RNGTT: variants seen among roughly 807,000 people sequenced by gnomAD.
RNGTT encodes mRNA-capping enzyme.
In RNGTT, 33 loss-of-function variants were observed where a neutral mutation model predicts 79.3. The ratio of observed to expected loss-of-function variants is 0.42; its 90% confidence interval spans 0.32 to 0.56. The LOEUF is 0.56. Ranked by LOEUF, RNGTT falls within the 20% of genes least tolerant of loss-of-function variation. The pLI, the probability that RNGTT is intolerant of heterozygous loss-of-function variation, is 0.17. For missense variants in RNGTT, 497 were observed against 739.1 expected, an observed-to-expected ratio of 0.67 and a Z score of 3.80; for synonymous variants, 222 against 235.9, an observed-to-expected ratio of 0.94 and a Z score of 0.54.
In RNGTT at chr6:88,809,762, T is replaced by G. The variant is rs536536429; in HGVS notation, c.1270-8130A>C. 9.9e-5 allele frequency among the ~76,000 whole-genome samples: 15 copies of G among 151,812 alleles called. No homozygotes were observed. The East Asian group carries it at 2.5e-3, about 25-fold the overall frequency. On this transcript the variant is annotated intron_variant, in intron 11 of 15. Transcript: ENST00000369485. ...ATGAAATACCTAATTAAAAAGAAGA[T>G]CAATGACCAGGCACAATGGCTCATA...
At chr6:88,797,721 T>C (rs1179123932) in intron 12 of RNGTT, among the ~76,000 whole-genome samples, 1 of 151,936 alleles carries the variant, frequency 6.6e-6, no homozygotes, top group Non-Finnish European at 1.5e-5. Context: ...ATAGGAACAA[T>C]ATTTATGTCA....
chr6:88,846,189 G>T (rs896936425), intron 10 of RNGTT, among the ~76,000 whole-genome samples: 18 of 152,148 alleles, frequency 1.2e-4, no homozygotes, highest in African/African-American at 4.3e-4. Flanking sequence ...TTACTGAGAA[G>T]AGACTACAGG....
At chr6:88,949,159 G>GAAAAAAAAAAAAAAAAAAAAAAAAAAATA in intron 1 of RNGTT, among the ~76,000 whole-genome samples, 1 of 50,512 alleles carries the variant, frequency 2.0e-5, no homozygotes, top group Non-Finnish European at 3.9e-5. Flanking sequence ...AAAATAAAAT[G>GAAAAAAAAAAAAAAAAAAAAAAAAAAATA]AAAAAAAAAA....
chr6:88,690,647 C>A (rs1775445113), intron 13 of RNGTT, among the ~76,000 whole-genome samples: 1 of 152,020 alleles, frequency 6.6e-6, no homozygotes, highest in African/African-American at 2.4e-5. Flanking sequence ...GAATTTGAGA[C>A]TGCAATAAGC....
intron 12 of RNGTT, among the ~76,000 whole-genome samples, chr6:88,794,593 A>G (rs1297721375): frequency 6.6e-6 from 1 of 152,198 alleles, no homozygotes; most frequent in Non-Finnish European, 1.5e-5. Flanking sequence ...GCAAGGCAAA[A>G]ATATAACCAC....
At chr6:88,629,690 G>C (rs1772773721) in intron 14 of RNGTT, among the ~76,000 whole-genome samples, 1 of 152,106 alleles carries the variant, frequency 6.6e-6, no homozygotes, top group Admixed American at 6.6e-5. Flanking sequence ...GTTTTCAGAG[G>C]ATCTATTCTA....
chr6:88,814,015 T>C (rs1780228749), intron 11 of RNGTT, among the ~76,000 whole-genome samples: 1 of 152,076 alleles, frequency 6.6e-6, no homozygotes, highest in Non-Finnish European at 1.5e-5. Context: ...AAAAATAAGC[T>C]GGTAAGGCTA....
chr6:88,769,635 T>C (rs946158662), intron 13 of RNGTT, 139 bp downstream of exon 13: 6 of 501,962 alleles, frequency 1.2e-5, no homozygotes, highest in Middle Eastern at 5.2e-4. Flanking sequence ...TAAGTATATA[T>C]GTAAAATATC....
At chr6:88,949,855 T>C (rs1488256422) in intron 1 of RNGTT, among the ~76,000 whole-genome samples, 1 of 152,314 alleles carries the variant, frequency 6.6e-6, no homozygotes, top group South Asian at 2.1e-4. Context: ...CTAAGATAAT[T>C]GATGAACATG....
intron 12 of RNGTT, among the ~76,000 whole-genome samples, chr6:88,773,116 T>A (rs1778748363): frequency 8.1e-5 from 12 of 148,024 alleles, no homozygotes; most frequent in African/African-American, 2.8e-4. Context: ...GTGGCACATA[T>A]ACACCATGGA....
chr6:88,697,401 A>C (rs1032416748), intron 13 of RNGTT, among the ~76,000 whole-genome samples: 1 of 151,972 alleles, frequency 6.6e-6, no homozygotes, highest in Non-Finnish European at 1.5e-5. Context: ...AATAAAAAAA[A>C]TTAGCCAGGC....
chr6:88,836,763 A>T (rs140050070), intron 11 of RNGTT, among the ~76,000 whole-genome samples: 1 of 152,286 alleles, frequency 6.6e-6, no homozygotes, highest in East Asian at 1.9e-4. Context: ...AAACAGAACT[A>T]GGCTTGGCTT....
intron 11 of RNGTT, among the ~76,000 whole-genome samples, chr6:88,822,525 T>C (rs569194683): frequency 1.3e-5 from 2 of 152,322 alleles, no homozygotes; most frequent in East Asian, 3.9e-4. Context: ...AACAATTCAC[T>C]ACAGTGTAAA....
chr6:88,759,027 G>A (rs1396158309), intron 13 of RNGTT, among the ~76,000 whole-genome samples: 2 of 152,156 alleles, frequency 1.3e-5, no homozygotes, highest in Admixed American at 6.6e-5. Context: ...CTATGGTGGT[G>A]GCAAAATAAT....
At chr6:88,749,405 T>G (rs1264205454) in intron 13 of RNGTT, among the ~76,000 whole-genome samples, 2 of 151,752 alleles carry the variant, frequency 1.3e-5, no homozygotes, top group Non-Finnish European at 2.9e-5. Flanking sequence ...ATGTGCGTGC[T>G]AAAATTTCTA....
At chr6:88,785,062 TA>T in intron 12 of RNGTT, among the ~76,000 whole-genome samples, 1 of 152,140 alleles carries the variant, frequency 6.6e-6, no homozygotes, top group Non-Finnish European at 1.5e-5. Context: ...TATACCACTG[TA>T]AAATGACAAT....
rs185015527 is a variant in RNGTT at position 88,932,840 on chromosome 6, C to T, written c.175-3573G>A. ...TCTCACTTAGAAACGCACACCTAAA[C>T]TGAGGCTAAAAAAAAGTAATAGTAA... On this transcript the variant is annotated intron_variant, in intron 2 of 15. Transcript: ENST00000369485. Among the ~76,000 whole-genome samples the T allele has an allele frequency of 3.5e-3, 540 of 152,208 alleles. 2 individuals carry two copies. The highest frequency in any genetic ancestry group is 0.012 in the African/African-American group (502 of 41,530).
chr6:88,761,054 T>C (rs12664220), intron 13 of RNGTT, among the ~76,000 whole-genome samples: 9,820 of 116,582 alleles, frequency 0.084, 362 homozygotes, highest in East Asian at 0.12. Flanking sequence ...CACACACACA[T>C]ACACTCTAGT....
intron 13 of RNGTT, among the ~76,000 whole-genome samples, chr6:88,696,597 G>A (rs1365122073): frequency 4.2e-5 from 5 of 117,996 alleles, no homozygotes; most frequent in Non-Finnish European, 9.2e-5. Flanking sequence ...CAGAAATCCT[G>A]AAGTACACAC....
Sources: gnomAD v4.1 joint callset for allele counts (sites outside exome capture counted in the v4.1 genomes callset) on GRCh38, gnomAD v4.1.1 for gene constraint, MANE v1.5 for transcripts, NCBI Gene and HGNC (gene_info 2026-07-23, HGNC 2026-07-21) for gene names.